Variants in EZR observed in about 807,000 individuals in gnomAD.
EZR encodes the protein cytovillin 2.
A neutral mutation model predicts 74.8 loss-of-function variants in EZR; 40 were observed. The observed-to-expected ratio is 0.53, with a 90% CI of 0.42 to 0.70. EZR has a LOEUF of 0.70. EZR is among the 30% of genes least tolerant of loss of function. The probability of loss-of-function intolerance (pLI) is 0.00; values close to 1 mark genes in which losing one functional copy is unlikely to be tolerated. For synonymous variants in EZR, 341 were observed against 283.3 expected (o/e 1.20, Z -2.05); for missense variants, 678 against 755.8 (o/e 0.90, Z 1.21).
At chr6:158,794,303 CCACCAG>C (rs960134177) in intron 2 of EZR, among the ~76,000 whole-genome samples, 41 of 152,168 alleles carry the variant, frequency 2.7e-4, no homozygotes, top group African/African-American at 6.0e-4. Flanking sequence ...ACCAGCACTA[CCACCAG>C]CACCAGCACC....
intron 2 of EZR, among the ~76,000 whole-genome samples, chr6:158,791,726 T>TTTTTTTTTG (rs1791754014): frequency 6.8e-6 from 1 of 147,114 alleles, no homozygotes; most frequent in Non-Finnish European, 1.5e-5. Context: ...TTTTTTTTTT[T>TTTTTTTTTG]GAGACAGAGT....
At chr6:158,807,462 G>A (rs1162666017) in intron 2 of EZR, among the ~76,000 whole-genome samples, 1 of 152,204 alleles carries the variant, frequency 6.6e-6, no homozygotes, top group East Asian at 1.9e-4. Flanking sequence ...AGAAAGGATG[G>A]AAGAGTAAGT....
chr6:158,784,621 C>T (rs780495451), intron 6 of EZR, 23 bp downstream of exon 6: 21 of 1,608,960 alleles, frequency 1.3e-5, no homozygotes, highest in Non-Finnish European at 1.8e-5. Context: ...GGCAAGATCC[C>T]AACAGCAGGG....
In EZR at chr6:158,771,373, T is replaced by C; in HGVS notation, c.830A>G (p.Asn277Ser). The change falls in exon 9 of 14, where the codon AAC becomes AGC. Residue 277 changes from asparagine to serine, a missense_variant. Asn to Ser is a conservative substitution (Grantham distance 46). Around this residue, in one of 3 missense-constraint regions of EZR, gnomAD observed 119 missense variants for 182.3 expected, o/e 0.65. Coordinates refer to ENST00000367075, the MANE Select transcript of EZR (RefSeq NM_001111077.2). ...FVFYAPRLRI[N>S]KRILQLCMGN... ...CATGCAGAGCTGCAGGATCCGCTTG[T>C]TGATTCTCAGACGTGGGGCATAAAA... 1.2e-6 allele frequency: 2 copies of C among 1,613,154 alleles called. No individual in the cohort carries two copies. The highest frequency in any genetic ancestry group is 2.2e-5 in the South Asian group (2 of 90,986).
At chr6:158,793,063 G>A (rs1211706831) in intron 2 of EZR, among the ~76,000 whole-genome samples, 4 of 151,964 alleles carry the variant, frequency 2.6e-5, no homozygotes, top group Non-Finnish European at 5.9e-5. Flanking sequence ...GCTCATGCCT[G>A]TAATCCCAGC....
chr6:158,810,428 C>A (rs1384506534), intron 2 of EZR, among the ~76,000 whole-genome samples: 2 of 152,196 alleles, frequency 1.3e-5, no homozygotes, highest in African/African-American at 4.8e-5. Flanking sequence ...CTCTATCATG[C>A]ACTACACTGC....
chr6:158,805,628 T>G (rs1179780345), intron 2 of EZR, among the ~76,000 whole-genome samples: 1 of 152,156 alleles, frequency 6.6e-6, no homozygotes, highest in African/African-American at 2.4e-5. Flanking sequence ...TCAGTAATCT[T>G]ACAAAATTTG....
rs540332956 is a variant in EZR, at chr6:158,766,565, G to A, written c.*349C>T. The A allele has an allele frequency of 2.7e-5, 6 of 222,208 alleles. No homozygotes were observed. In the South Asian group the frequency reaches 7.5e-4, roughly 28 times the overall value. The allele number at this position is 222,208 out of a possible 1,614,324, so 13.8% of individuals were successfully genotyped here. On this transcript the variant is annotated 3_prime_UTR_variant, in exon 14 of 14. Transcript: ENST00000367075. Reference sequence around the variant, plus strand: ...ATGGCACAGATGGAAGTCCTGCCACGTTTCCTTTAATGATGCTGACTCTTG... The same window carrying A: ...ATGGCACAGATGGAAGTCCTGCCACATTTCCTTTAATGATGCTGACTCTTG...
chr6:158,775,565 A>T (rs1791251693), intron 8 of EZR, among the ~76,000 whole-genome samples: 1 of 152,220 alleles, frequency 6.6e-6, no homozygotes, highest in African/African-American at 2.4e-5. Flanking sequence ...ACTGTAACTA[A>T]GGAACCAAAA....
chr6:158,818,546 C>A (rs1371838534), intron 1 of EZR, among the ~76,000 whole-genome samples: 12 of 10,414 alleles, frequency 1.2e-3, no homozygotes, highest in Admixed American at 4.5e-3. Flanking sequence ...TGGGGAGGAT[C>A]GGGGGGAGGG....
chr6:158,797,530 T>C (rs1245224506), intron 2 of EZR, among the ~76,000 whole-genome samples: 2 of 152,146 alleles, frequency 1.3e-5, no homozygotes, highest in Non-Finnish European at 1.5e-5. Context: ...TCATTTAAAA[T>C]GTCAACGCTG....
chr6:158,771,537 G>T, intron 8 of EZR, 130 bp from the exon 9 acceptor site: 1 of 1,011,812 alleles, frequency 9.9e-7, no homozygotes, highest in Non-Finnish European at 1.4e-6. Flanking sequence ...GCAGCATCTC[G>T]GCACTAGGAA....
chr6:158,812,130 T>C (rs927572490), intron 2 of EZR, among the ~76,000 whole-genome samples: 4 of 152,174 alleles, frequency 2.6e-5, no homozygotes, highest in Non-Finnish European at 4.4e-5. Flanking sequence ...CAAGTATAGG[T>C]AAGCAGTAAA....
At chr6:158,803,078 T>TC (rs1182757119) in intron 2 of EZR, among the ~76,000 whole-genome samples, 1 of 151,980 alleles carries the variant, frequency 6.6e-6, no homozygotes, top group Non-Finnish European at 1.5e-5. Context: ...CCTTACTACT[T>TC]CCTCCAGCAC....
chr6:158,787,922 G>C (rs1222650364), intron 3 of EZR, among the ~76,000 whole-genome samples: 1 of 152,220 alleles, frequency 6.6e-6, no homozygotes, highest in East Asian at 1.9e-4. Flanking sequence ...GGAGTCCTGA[G>C]CTGCTTAGTC....
In EZR at chr6:158,766,294, TAAGC is replaced by T. The variant is rs1195261686; in HGVS notation, c.*616_*619del. 8.1e-6 allele frequency: 1 copy of T among 123,750 alleles called. No homozygotes were observed. Among genetic ancestry groups the T allele is most frequent in the Non-Finnish European group, 1.7e-5 (1 of 58,302 alleles). The allele number at this position is 123,750 out of a possible 1,614,324, so 7.7% of individuals were successfully genotyped here. A position where few individuals can be genotyped will look rare whatever the true frequency, so the allele number is the denominator to read the frequency against. ...TAAGTACAATGTATTCTAAAACTGT[TAAGC>T]AAAAAAAAAAAAAACAAAAAAAAAA... On this transcript the variant is annotated 3_prime_UTR_variant, in exon 14 of 14. Coordinates refer to ENST00000367075, the MANE Select transcript of EZR (RefSeq NM_001111077.2).
intron 8 of EZR, among the ~76,000 whole-genome samples, chr6:158,775,010 A>G (rs1429365404): frequency 6.7e-6 from 1 of 150,238 alleles, no homozygotes; most frequent in Non-Finnish European, 1.5e-5. Flanking sequence ...AGTAGCAGCC[A>G]AGAGTTTGCA....
At chr6:158,808,480 A>G (rs1777388005) in intron 2 of EZR, among the ~76,000 whole-genome samples, 1 of 148,542 alleles carries the variant, frequency 6.7e-6, no homozygotes, top group South Asian at 2.3e-4. Context: ...TTTACTTACT[A>G]CATTATTTCA....
In EZR at chr6:158,767,420, C is replaced by T. The variant is rs1790923455; in HGVS notation, c.1437G>A (p.Glu479=). The stretch of plus-strand genomic sequence containing the variant: ...TCTCCTGGACATGGTAGCTCACCGG[C>T]TCGTACACGGGGGGTGGTGGGGGCG... ...APPPPPPPVY[E]PVSYHVQESL... The change falls in exon 13 of 14, where the codon GAG becomes GAA. Residue 479 remains glutamate (E), a synonymous_variant. Coordinates refer to ENST00000367075, the MANE Select transcript of EZR (RefSeq NM_001111077.2). 5 of 1,613,498 alleles carry T rather than the reference C, an allele frequency of 3.1e-6. No homozygotes were observed. The highest frequency in any genetic ancestry group is 4.2e-6 in the Non-Finnish European group (5 of 1,179,684).
Sources: allele counts gnomAD v4.1 joint callset (sites outside exome capture counted in the v4.1 genomes callset), GRCh38; gene constraint gnomAD v4.1.1; regional missense constraint gnomAD v4.1.1; transcripts MANE v1.5; gene names NCBI Gene and HGNC (gene_info 2026-07-23, HGNC 2026-07-21).